Variants in TBXAS1 observed in about 807,000 individuals in gnomAD.
TBXAS1 encodes thromboxane-A synthase.
Under a neutral mutation model 60.7 loss-of-function variants are expected in TBXAS1, and 48 were observed. The observed-to-expected ratio is 0.79, with a 90% CI of 0.63 to 1.01. The LOEUF (loss-of-function observed/expected upper bound fraction) is 1.01. Ranked by LOEUF, TBXAS1 falls within the 50% of genes least tolerant of loss-of-function variation. The pLI is 0.00. For synonymous variants in TBXAS1, 287 were observed against 269.7 expected (o/e 1.06, Z -0.63); for missense variants, 685 against 686.3 (o/e 1.00, Z 0.02).
chr7:139,844,556 C>A (rs1230268509), intron 1 of TBXAS1, among the ~76,000 whole-genome samples: 1 of 152,186 alleles, frequency 6.6e-6, no homozygotes, highest in African/African-American at 2.4e-5. Context: ...TTTTCCTTAA[C>A]CTGCACCACC....
intron 5 of TBXAS1, 92 bp from the exon 6 acceptor site, chr7:139,953,276 A>C: frequency 9.7e-7 from 1 of 1,026,906 alleles, no homozygotes; most frequent in South Asian, 1.3e-5. Flanking sequence ...TCATTTTCCC[A>C]GAAAGCACTA....
In TBXAS1 at chr7:140,013,362, A is replaced by T. The variant is rs1814766401; in HGVS notation, c.1227-2361A>T. 6.6e-6 allele frequency among the ~76,000 whole-genome samples: 1 copy of T among 152,188 alleles called. No homozygotes were observed. The highest frequency in any genetic ancestry group is 1.5e-5 in the Non-Finnish European group (1 of 68,030). On this transcript the variant is annotated intron_variant, in intron 10 of 12. Coordinates refer to ENST00000448866, the MANE Select transcript of TBXAS1 (RefSeq NM_001061.7). This position sits in a 1 kb window ranked among gnomAD's most constrained non-coding sequence, Gnocchi z 4.2. ...AATTTTCTGGAGCAGAGAGGAAGTC[A>T]CTGACACAGGTGGTCTCGATGCTCA...
intron 3 of TBXAS1, among the ~76,000 whole-genome samples, chr7:139,886,041 A>C (rs1803070368): frequency 6.6e-6 from 1 of 152,126 alleles, no homozygotes; most frequent in Non-Finnish European, 1.5e-5. Context: ...CATTCTAATT[A>C]CTCCTGATCA....
At position 139,904,995 on chromosome 7, in the gene TBXAS1, C is replaced by CTCTT. The variant is rs1804873378; in HGVS notation, c.237-6227_237-6226insTTCT. Among the ~76,000 whole-genome samples the CTCTT allele has an allele frequency of 2.3e-5, 3 of 128,050 alleles. No individual in the cohort carries two copies. The South Asian group carries it at 7.4e-4, about 32-fold the overall frequency. The allele number at this position is 128,050 out of a possible 152,430, so 84.0% of individuals were successfully genotyped here. A position where few individuals can be genotyped will look rare whatever the true frequency, so the allele number is the denominator to read the frequency against. On this transcript the variant is annotated intron_variant, in intron 3 of 12. Transcript: ENST00000448866. ...TACCTTTCTTTCTCTTTCTCTCTTT[C>CTCTT]TCTCTTTCTCTCTTTCTTTCTTTCT...
upstream of TBXAS1, chr7:139,829,231 G>A (rs1397254146): frequency 1.4e-6 from 1 of 715,132 alleles, no homozygotes; most frequent in Non-Finnish European, 2.5e-6. Context: ...TTTATAGGGA[G>A]ACACTCTGAG....
At chr7:139,891,245 A>G (rs1005302152) in intron 3 of TBXAS1, among the ~76,000 whole-genome samples, 1 of 149,564 alleles carries the variant, frequency 6.7e-6, no homozygotes, top group East Asian at 1.9e-4. Flanking sequence ...TAATATATAT[A>G]TATTTATTTA....
At chr7:139,991,920 G>C (rs1812937012) in intron 9 of TBXAS1, among the ~76,000 whole-genome samples, 1 of 152,220 alleles carries the variant, frequency 6.6e-6, no homozygotes, top group Non-Finnish European at 1.5e-5. Context: ...AGGCACCAGA[G>C]CTCGAGGGGA....
intron 9 of TBXAS1, among the ~76,000 whole-genome samples, chr7:139,992,208 G>A (rs1306116462): frequency 6.6e-6 from 1 of 152,248 alleles, no homozygotes; most frequent in Non-Finnish European, 1.5e-5. Context: ...GTGAGGCATG[G>A]ACCAGCATCT....
chr7:139,939,018 G>T (rs1808047304), intron 5 of TBXAS1, among the ~76,000 whole-genome samples: 1 of 152,320 alleles, frequency 6.6e-6, no homozygotes, highest in Admixed American at 6.5e-5. Flanking sequence ...CAAATGCATA[G>T]TGCCTGAATT....
At chr7:139,909,287 G>C (rs1805335987) in intron 3 of TBXAS1, among the ~76,000 whole-genome samples, 1 of 152,122 alleles carries the variant, frequency 6.6e-6, no homozygotes, top group South Asian at 2.1e-4. Context: ...GTATATTTGA[G>C]AAACATTGCT....
At chr7:139,951,897 A>G (rs1424729276) in intron 5 of TBXAS1, among the ~76,000 whole-genome samples, 1 of 30,466 alleles carries the variant, frequency 3.3e-5, no homozygotes, top group Non-Finnish European at 7.0e-5. Context: ...GAAGGAAGGA[A>G]GGAAAGAAAG....
chr7:139,805,660 CTCTTTCTTTCTTTCTTTCTT>C (rs755258646), intron 4 of TBXAS1, among the ~76,000 whole-genome samples: 21 of 101,472 alleles, frequency 2.1e-4, no homozygotes, highest in South Asian at 6.7e-4. Context: ...CCTTCTTTTT[CTCTTTCTTTCTTTCTTTCTT>C]TCTTTCTTTC....
chr7:139,889,874 A>G (rs74769691), intron 3 of TBXAS1, among the ~76,000 whole-genome samples: 6,509 of 152,304 alleles, frequency 0.043, 176 homozygotes, highest in Non-Finnish European at 0.062. Context: ...GGATACAAAC[A>G]TTCAGACCAT....
intron 11 of TBXAS1, 40 bp from the exon 12 acceptor site, chr7:140,017,631 G>A: frequency 1.9e-6 from 3 of 1,609,618 alleles, no homozygotes; most frequent in Non-Finnish European, 2.5e-6. Context: ...AGGGGAGGGA[G>A]CGGGTGTTCT....
chr7:139,902,209 T>C (rs796446273), intron 3 of TBXAS1, among the ~76,000 whole-genome samples: 19 of 151,876 alleles, frequency 1.3e-4, no homozygotes, highest in African/African-American at 4.4e-4. Flanking sequence ...ACAGCCAAGA[T>C]AAAGACTATC....
intron 9 of TBXAS1, 31 bp downstream of exon 9, chr7:139,962,264 G>A (rs2015348513): frequency 6.2e-7 from 1 of 1,612,164 alleles, no homozygotes; most frequent in African/African-American, 1.3e-5. Context: ...GTTACCCATG[G>A]GATATCCATA....
chr7:139,995,064 A>G (rs908848274), intron 9 of TBXAS1, among the ~76,000 whole-genome samples: 1 of 152,146 alleles, frequency 6.6e-6, no homozygotes, highest in African/African-American at 2.4e-5. Flanking sequence ...AGACATTTTT[A>G]TAAACATCCA....
chr7:139,909,608 G>A (rs1421051281), intron 3 of TBXAS1, among the ~76,000 whole-genome samples: 2 of 152,172 alleles, frequency 1.3e-5, no homozygotes. Flanking sequence ...TTTTCCAAGT[G>A]CCTAATATGT....
chr7:140,015,595 C>A (rs554339060), intron 10 of TBXAS1, 128 bp from the exon 11 acceptor site: 5 of 1,120,942 alleles, frequency 4.5e-6, no homozygotes, highest in African/African-American at 1.5e-5. Context: ...CTGTCCCCAG[C>A]CTCATTCCAC....
Sources: allele counts gnomAD v4.1 joint callset (sites outside exome capture counted in the v4.1 genomes callset), GRCh38; gene constraint gnomAD v4.1.1; non-coding constraint Gnocchi (gnomAD v3.1); transcripts MANE v1.5; gene names NCBI Gene and HGNC (gene_info 2026-07-23, HGNC 2026-07-21).